Variants in SNPH observed in about 807,000 individuals in gnomAD.
SNPH encodes the protein syntaphilin.
Under a neutral mutation model 36.8 loss-of-function variants are expected in SNPH, and 10 were observed. The ratio of observed to expected loss-of-function variants is 0.27; its 90% CI spans 0.17 to 0.46. The LOEUF (loss-of-function observed/expected upper bound fraction) is 0.46, where lower values mean the gene tolerates loss of function less well. Among genes scored for constraint, SNPH ranks in the 20% least tolerant of loss-of-function variants. The probability of loss-of-function intolerance (pLI) is 1.00; values close to 1 mark genes in which losing one functional copy is unlikely to be tolerated. For missense variants in SNPH, 622 were observed against 744.0 expected, an observed-to-expected ratio of 0.84 and a Z score of 1.91; for synonymous variants, 281 against 312.2, an observed-to-expected ratio of 0.90 and a Z score of 1.05.
At position 1,293,610 on chromosome 20, in the gene SNPH, C is replaced by T. The variant is rs377486884; in HGVS notation, c.-492-1341C>T. 1.3e-5 allele frequency among the ~76,000 whole-genome samples: 2 copies of T among 152,288 alleles called. 1 individual carries two copies. The highest frequency in any genetic ancestry group is 4.8e-5 in the African/African-American group (2 of 41,562). ...TTCTGAGTAGGATCCTGAGAGGTGGCTCCCTTTGGGCCTGGGTGGCTTCTG... is the reference window on the plus strand; with the variant it reads ...TTCTGAGTAGGATCCTGAGAGGTGGTTCCCTTTGGGCCTGGGTGGCTTCTG... On this transcript the variant is annotated intron_variant, in intron 2 of 6. Coordinates refer to ENST00000381867, the MANE Select transcript of SNPH (RefSeq NM_001318234.2).
intron 5 of SNPH, among the ~76,000 whole-genome samples, chr20:1,298,422 T>TA (rs2088465471): frequency 1.3e-5 from 2 of 152,180 alleles, no homozygotes; most frequent in Non-Finnish European, 2.9e-5. Flanking sequence ...CAGCAGCTGT[T>TA]AGATTTCTAT....
At chr20:1,290,291 T>C (rs1306751977) in intron 2 of SNPH, among the ~76,000 whole-genome samples, 1 of 152,196 alleles carries the variant, frequency 6.6e-6, no homozygotes, top group East Asian at 1.9e-4. Flanking sequence ...CCATCACCAC[T>C]AGCTACTTCT....
At position 1,305,279 on chromosome 20, in the gene SNPH, C is replaced by G; in HGVS notation, c.842C>G (p.Ala281Gly). 1 of 1,610,876 alleles carries G rather than the reference C, an allele frequency of 6.2e-7. No homozygotes were observed. The highest frequency in any genetic ancestry group is 8.5e-7 in the Non-Finnish European group (1 of 1,179,798). ...RQPGDPSSGS[A>G]EDGADSGFAA... is the part of the protein sequence containing the mutation. ...CCGGGTGATCCCTCCAGCGGCTCTG[C>G]TGAGGATGGGGCAGACAGTGGCTTT... Residue 281 changes from alanine to glycine, a missense_variant, in exon 7 of 7, where the codon GCT (alanine) becomes GGT (glycine). Around this residue, in one of 3 missense-constraint regions of SNPH, gnomAD observed 379 missense variants for 427.9 expected, o/e 0.89. Coordinates refer to ENST00000381867, the MANE Select transcript of SNPH (RefSeq NM_001318234.2).
intron 2 of SNPH, among the ~76,000 whole-genome samples, chr20:1,282,147 A>G (rs956010948): frequency 6.6e-6 from 1 of 152,272 alleles, no homozygotes; most frequent in African/African-American, 2.4e-5. Flanking sequence ...AGGAGAAACA[A>G]TAGGCAACCT....
At position 1,285,924 on chromosome 20, in the gene SNPH, G is replaced by A. The variant is rs756954724; in HGVS notation, c.-492-9027G>A. 1.3e-4 allele frequency among the ~76,000 whole-genome samples: 19 copies of A among 151,910 alleles called. No homozygotes were observed. Among genetic ancestry groups the A allele is most frequent in the East Asian group, 3.9e-4 (2 of 5,144 alleles). ...ATCCTGGCCAATATGGTGAAACCCCGTCTCTACTAAAAATACAAAAATTAG... is the reference window on the plus strand; with the variant it reads ...ATCCTGGCCAATATGGTGAAACCCCATCTCTACTAAAAATACAAAAATTAG... On this transcript the variant is annotated intron_variant, in intron 2 of 6. Coordinates refer to ENST00000381867, the MANE Select transcript of SNPH (RefSeq NM_001318234.2). This position sits in a 1 kb window ranked among gnomAD's most constrained non-coding sequence, Gnocchi z 4.9.
At chr20:1,301,369 C>G (rs1277378837) in intron 6 of SNPH, among the ~76,000 whole-genome samples, 1 of 152,190 alleles carries the variant, frequency 6.6e-6, no homozygotes, top group African/African-American at 2.4e-5. Flanking sequence ...TTCAGGGCGT[C>G]GATCTCCCAT....
At chr20:1,282,402 T>C (rs1012964640) in intron 2 of SNPH, among the ~76,000 whole-genome samples, 8 of 152,240 alleles carry the variant, frequency 5.3e-5, no homozygotes, top group Non-Finnish European at 4.4e-5. Context: ...ATAAAGGATA[T>C]GCCATATGGG....
chr20:1,275,428 A>G (rs962264999), intron 2 of SNPH, among the ~76,000 whole-genome samples: 2 of 152,176 alleles, frequency 1.3e-5, no homozygotes, highest in Admixed American at 1.3e-4. Context: ...TAATGAAAAC[A>G]GCTACACTAC....
chr20:1,304,288 A>G lies in SNPH; in HGVS notation c.441-590A>G, dbSNP rs2088539481. On this transcript the variant is annotated intron_variant, in intron 6 of 6. Transcript: ENST00000381867. The surrounding 1 kb of genome is among the most constrained non-coding windows in gnomAD (Gnocchi z 4.3). The stretch of plus-strand genomic sequence containing the variant: ...TCTCCCGTTCCACCCACCACTTCTC[A>G]TCGCTCTGCATGAGGGATGATGTAA... Among the ~76,000 whole-genome samples the G allele has an allele frequency of 6.6e-6, 1 of 152,062 alleles. No individual in the cohort carries two copies. The highest frequency in any genetic ancestry group is 2.4e-5 in the African/African-American group (1 of 41,390).
At chr20:1,293,570 G>A (rs999632096) in intron 2 of SNPH, among the ~76,000 whole-genome samples, 27 of 152,164 alleles carry the variant, frequency 1.8e-4, no homozygotes, top group African/African-American at 6.5e-4. Context: ...GAGAGCACAG[G>A]ATGCACACTG....
intron 2 of SNPH, among the ~76,000 whole-genome samples, chr20:1,269,638 T>C (rs1600242619): frequency 6.6e-6 from 1 of 152,184 alleles, no homozygotes; most frequent in Non-Finnish European, 1.5e-5. Context: ...TCCCAGGTGA[T>C]TGGTGCAGGG....
intron 2 of SNPH, among the ~76,000 whole-genome samples, chr20:1,282,543 G>A (rs1271898603): frequency 6.6e-6 from 1 of 152,224 alleles, no homozygotes; most frequent in Non-Finnish European, 1.5e-5. Context: ...AGAAGGGGCA[G>A]CAATCAAATT....
intron 2 of SNPH, among the ~76,000 whole-genome samples, chr20:1,281,472 T>C (rs978382310): frequency 1.3e-5 from 2 of 152,196 alleles, no homozygotes; most frequent in Non-Finnish European, 2.9e-5. Context: ...CTCAAAAGGC[T>C]TTTTTCTGCT....
chr20:1,285,846 C>T lies in SNPH; in HGVS notation c.-492-9105C>T, dbSNP rs2088278440. 6.6e-6 allele frequency among the ~76,000 whole-genome samples: 1 copy of T among 152,152 alleles called. No individual in the cohort carries two copies. The highest frequency in any genetic ancestry group is 6.5e-5 in the Admixed American group (1 of 15,280). The stretch of plus-strand genomic sequence containing the variant: ...GTGCAGTGGCTCATGCCTGTAATCC[C>T]AGCACTTTGGGAGGCCAAGGCAGGT... On this transcript the variant is annotated intron_variant, in intron 2 of 6. Coordinates refer to ENST00000381867, the MANE Select transcript of SNPH (RefSeq NM_001318234.2). The surrounding 1 kb of genome is among the most constrained non-coding windows in gnomAD (Gnocchi z 4.9).
chr20:1,299,172 G>A (rs540588285), intron 5 of SNPH, among the ~76,000 whole-genome samples: 12 of 152,140 alleles, frequency 7.9e-5, no homozygotes, highest in African/African-American at 2.4e-4. Flanking sequence ...GACAGTTTAC[G>A]ACTTACAAGT....
At chr20:1,267,482 G>T (rs1418236853) in intron 2 of SNPH, among the ~76,000 whole-genome samples, 1 of 152,184 alleles carries the variant, frequency 6.6e-6, no homozygotes, top group Non-Finnish European at 1.5e-5. Context: ...CTTAGAAAAA[G>T]GTGATCTCTG....
intron 2 of SNPH, among the ~76,000 whole-genome samples, chr20:1,275,127 C>G (rs2088116600): frequency 6.6e-6 from 1 of 152,198 alleles, no homozygotes; most frequent in Non-Finnish European, 1.5e-5. Flanking sequence ...TTAAGCCACC[C>G]TGGGCCTTCT....
intron 2 of SNPH, among the ~76,000 whole-genome samples, chr20:1,284,953 A>C (rs1484230863): frequency 6.6e-6 from 1 of 152,156 alleles, no homozygotes; most frequent in Non-Finnish European, 1.5e-5. Flanking sequence ...TGTAGGAGAT[A>C]ATGAGACCTG....
intron 2 of SNPH, among the ~76,000 whole-genome samples, chr20:1,284,744 C>T (rs1282883183): frequency 1.3e-5 from 2 of 151,410 alleles, no homozygotes; most frequent in African/African-American, 4.9e-5. Context: ...GTGGCTAGAG[C>T]AGAGTGAATG....
Sources: allele counts gnomAD v4.1 joint callset (sites outside exome capture counted in the v4.1 genomes callset), GRCh38; gene constraint gnomAD v4.1.1; regional missense constraint gnomAD v4.1.1; non-coding constraint Gnocchi (gnomAD v3.1); transcripts MANE v1.5; gene names NCBI Gene and HGNC (gene_info 2026-07-23, HGNC 2026-07-21).